Variants in TNFAIP8 observed in about 807,000 individuals in gnomAD.
TNFAIP8 encodes the protein tumor necrosis factor alpha-induced protein 8.
In TNFAIP8, 7 loss-of-function variants were observed where a neutral mutation model predicts 13.3. That is an observed-to-expected ratio of 0.52 (90% CI 0.30 to 0.99). The LOEUF is 0.99. TNFAIP8 is among the 50% of genes least tolerant of loss of function. The pLI is 0.07. For synonymous variants in TNFAIP8, 94 were observed against 87.6 expected, an observed-to-expected ratio of 1.07 and a Z score of -0.41; for missense variants, 258 against 236.9, an observed-to-expected ratio of 1.09 and a Z score of -0.58.
At chr5:119,381,295 C>A (rs887819995) in intron 1 of TNFAIP8, among the ~76,000 whole-genome samples, 1 of 152,198 alleles carries the variant, frequency 6.6e-6, no homozygotes, top group African/African-American at 2.4e-5. Context: ...AATCCCAGCA[C>A]TTTGGGAGGA....
intron 1 of TNFAIP8, among the ~76,000 whole-genome samples, chr5:119,284,713 A>G (rs1748726349): frequency 6.6e-6 from 1 of 152,112 alleles, no homozygotes; most frequent in Admixed American, 6.6e-5. Flanking sequence ...GCATAAAAAC[A>G]TGACTCTAAG....
At chr5:119,283,045 T>C (rs185309847) in intron 1 of TNFAIP8, among the ~76,000 whole-genome samples, 87 of 152,362 alleles carry the variant, frequency 5.7e-4, no homozygotes, top group African/African-American at 2.0e-3. Flanking sequence ...TCTGCCTGGC[T>C]TCTAGAGACA....
chr5:119,374,582 TTG>T (rs1418602127), intron 1 of TNFAIP8, among the ~76,000 whole-genome samples: 7 of 152,200 alleles, frequency 4.6e-5, no homozygotes, highest in African/African-American at 1.7e-4. Context: ...CTAGCTCAGC[TTG>T]GTTGCCAGCG....
intron 1 of TNFAIP8, among the ~76,000 whole-genome samples, chr5:119,388,265 A>C (rs377627326): frequency 6.6e-6 from 1 of 152,266 alleles, no homozygotes; most frequent in South Asian, 2.1e-4. Flanking sequence ...TCTGGAGCGC[A>C]CTTAGAGGGA....
chr5:119,321,738 C>T (rs925354833), intron 1 of TNFAIP8, among the ~76,000 whole-genome samples: 2 of 152,204 alleles, frequency 1.3e-5, no homozygotes, highest in African/African-American at 4.8e-5. Flanking sequence ...CCTAACTCCC[C>T]TGTGCTCTTG....
At chr5:119,324,562 A>C (rs1452478820) in intron 1 of TNFAIP8, among the ~76,000 whole-genome samples, 1 of 152,116 alleles carries the variant, frequency 6.6e-6, no homozygotes, top group Non-Finnish European at 1.5e-5. Context: ...CTGAAAAGAC[A>C]GAAGATTGCC....
At chr5:119,319,254 A>G (rs1055827471) in intron 1 of TNFAIP8, among the ~76,000 whole-genome samples, 2 of 152,200 alleles carry the variant, frequency 1.3e-5, no homozygotes, top group African/African-American at 4.8e-5. Flanking sequence ...AGCCTGGGCA[A>G]TGAAGTGAGA....
chr5:119,387,769 A>C (rs888649368), intron 1 of TNFAIP8, among the ~76,000 whole-genome samples: 3 of 152,226 alleles, frequency 2.0e-5, no homozygotes, highest in Non-Finnish European at 2.9e-5. Context: ...AAGGGAGGAG[A>C]TACAGAGACA....
intron 1 of TNFAIP8, among the ~76,000 whole-genome samples, chr5:119,372,560 A>G (rs1346332357): frequency 6.6e-6 from 1 of 152,254 alleles, no homozygotes; most frequent in Non-Finnish European, 1.5e-5. Context: ...GGCCACCGCT[A>G]TGTGTGCAGA....
At chr5:119,325,223 C>G (rs1215419765) in intron 1 of TNFAIP8, among the ~76,000 whole-genome samples, 1 of 152,178 alleles carries the variant, frequency 6.6e-6, no homozygotes, top group African/African-American at 2.4e-5. Context: ...TGCACTTGTC[C>G]ACACTTCTGT....
intron 1 of TNFAIP8, among the ~76,000 whole-genome samples, chr5:119,279,185 A>G (rs1329586094): frequency 6.6e-6 from 1 of 152,212 alleles, no homozygotes; most frequent in Non-Finnish European, 1.5e-5. Flanking sequence ...TTGAGGCTTA[A>G]GGAGGTTAAG....
At chr5:119,332,123 A>C (rs1186995606) in intron 1 of TNFAIP8, among the ~76,000 whole-genome samples, 1 of 152,210 alleles carries the variant, frequency 6.6e-6, no homozygotes, top group Non-Finnish European at 1.5e-5. Flanking sequence ...CAAAGAAAAT[A>C]AGAAATACAG....
At chr5:119,326,645 C>A (rs895389136) in intron 1 of TNFAIP8, among the ~76,000 whole-genome samples, 1 of 152,100 alleles carries the variant, frequency 6.6e-6, no homozygotes, top group Non-Finnish European at 1.5e-5. Flanking sequence ...TAAGGGTGAT[C>A]GGGCTGTGCT....
chr5:119,322,973 C>G (rs985870741), intron 1 of TNFAIP8, among the ~76,000 whole-genome samples: 3 of 152,196 alleles, frequency 2.0e-5, no homozygotes, highest in Non-Finnish European at 4.4e-5. Flanking sequence ...TAGTCAATGA[C>G]CCAGGTAACT....
chr5:119,283,579 C>G (rs577756959), intron 1 of TNFAIP8, among the ~76,000 whole-genome samples: 5 of 152,304 alleles, frequency 3.3e-5, no homozygotes, highest in Non-Finnish European at 7.4e-5. Context: ...CTTGGTCACA[C>G]CAGGGAGAGC....
At chr5:119,323,135 C>T (rs533396224) in intron 1 of TNFAIP8, among the ~76,000 whole-genome samples, 1 of 152,304 alleles carries the variant, frequency 6.6e-6, no homozygotes, top group African/African-American at 2.4e-5. Flanking sequence ...CTGCTGCCAT[C>T]TCTTTCCTAG....
chr5:119,312,171 G>A (rs1310043601), intron 1 of TNFAIP8, among the ~76,000 whole-genome samples: 1 of 152,138 alleles, frequency 6.6e-6, no homozygotes, highest in African/African-American at 2.4e-5. Flanking sequence ...ATTATTATCT[G>A]GGATTCTAGC....
intron 1 of TNFAIP8, among the ~76,000 whole-genome samples, chr5:119,385,551 C>T (rs1000436131): frequency 2.6e-5 from 4 of 152,134 alleles, no homozygotes; most frequent in African/African-American, 7.2e-5. Context: ...TTTTAACTAG[C>T]AGAGTCCTCG....
At chr5:119,318,193 T>C (rs937784490) in intron 1 of TNFAIP8, among the ~76,000 whole-genome samples, 11 of 152,324 alleles carry the variant, frequency 7.2e-5, no homozygotes, top group African/African-American at 2.4e-4. Flanking sequence ...TTGCAGGTGA[T>C]TGATTGACAC....
Sources: gnomAD v4.1 joint callset for allele counts (sites outside exome capture counted in the v4.1 genomes callset) on GRCh38, gnomAD v4.1.1 for gene constraint, MANE v1.5 for transcripts, NCBI Gene and HGNC (gene_info 2026-07-23, HGNC 2026-07-21) for gene names.